Variants in PHF24 observed in about 807,000 individuals in gnomAD.
PHF24 encodes Galpha inhibitory interacting protein.
A neutral mutation model predicts 42.6 loss-of-function variants in PHF24; 25 were observed. That is an observed-to-expected ratio of 0.59 (90% CI 0.43 to 0.82). The LOEUF is 0.82. PHF24 is among the 40% of genes least tolerant of loss of function. PHF24 has a pLI of 0.00. For synonymous variants in PHF24, 185 were observed against 204.8 expected, an observed-to-expected ratio of 0.90 and a Z score of 0.83; for missense variants, 470 against 538.1, an observed-to-expected ratio of 0.87 and a Z score of 1.25.
chr9:34,863,484 G>C, the PHF24 span, among the ~76,000 whole-genome samples: 2 of 152,106 alleles, frequency 1.3e-5, no homozygotes, highest in African/African-American at 4.8e-5. Context: ...TAAGGGAAGA[G>C]AACAAGAGTC....
chr9:34,962,463 C>T (rs920214402), intron 1 of PHF24, among the ~76,000 whole-genome samples: 8 of 151,822 alleles, frequency 5.3e-5, no homozygotes, highest in African/African-American at 1.5e-4. Flanking sequence ...CCCCTGCACA[C>T]GCACATACTC....
At chr9:34,774,708 G>A in the PHF24 span, among the ~76,000 whole-genome samples, 1 of 152,270 alleles carries the variant, frequency 6.6e-6, no homozygotes, top group African/African-American at 2.4e-5. Context: ...GGGAAGCAGA[G>A]GTTGGAGTGA....
chr9:34,927,151 C>T, the PHF24 span, among the ~76,000 whole-genome samples: 1 of 152,080 alleles, frequency 6.6e-6, no homozygotes, highest in Non-Finnish European at 1.5e-5. Flanking sequence ...GGCAGGTTGG[C>T]CCTGGGCAGG....
the PHF24 span, among the ~76,000 whole-genome samples, chr9:34,747,624 T>C: frequency 2.6e-5 from 4 of 152,128 alleles, no homozygotes; most frequent in Non-Finnish European, 5.9e-5. Context: ...CCAGAGAATA[T>C]GAAATTTAAA....
chr9:34,816,560 T>C, the PHF24 span, among the ~76,000 whole-genome samples: 4 of 152,290 alleles, frequency 2.6e-5, no homozygotes, highest in South Asian at 8.3e-4. Flanking sequence ...GCCTGCTTTT[T>C]GGTTTATAGA....
chr9:34,818,779 G>A, the PHF24 span, among the ~76,000 whole-genome samples: 15 of 152,114 alleles, frequency 9.9e-5, no homozygotes, highest in African/African-American at 3.1e-4. Flanking sequence ...GTGAGACCCC[G>A]TCTATATAAT....
the PHF24 span, among the ~76,000 whole-genome samples, chr9:34,710,551 T>C: frequency 6.8e-6 from 1 of 147,418 alleles, no homozygotes; most frequent in Non-Finnish European, 1.5e-5. Flanking sequence ...CACTGAAATC[T>C]CCGCCTCCTG....
At chr9:34,717,612 G>A in the PHF24 span, among the ~76,000 whole-genome samples, 3 of 152,274 alleles carry the variant, frequency 2.0e-5, no homozygotes, top group East Asian at 5.8e-4. Flanking sequence ...GGGTATGCAC[G>A]TGAAACCAAA....
chr9:34,873,971 G>A, the PHF24 span, among the ~76,000 whole-genome samples: 1 of 152,110 alleles, frequency 6.6e-6, no homozygotes, highest in Admixed American at 6.6e-5. Context: ...ATTGTGAATG[G>A]AAGTTCACTC....
chr9:34,695,492 C>T, the PHF24 span, among the ~76,000 whole-genome samples: 10 of 152,200 alleles, frequency 6.6e-5, no homozygotes, highest in Non-Finnish European at 7.3e-5. Context: ...ATTAATTGAA[C>T]CCCAGGTGGG....
the PHF24 span, among the ~76,000 whole-genome samples, chr9:34,943,003 A>T: frequency 2.0e-5 from 3 of 148,084 alleles, no homozygotes; most frequent in African/African-American, 7.9e-5. Context: ...GTATAATAAT[A>T]AAAAAAGAAA....
At chr9:34,978,048 T>C in exon 8 of PHF24, 1 of 1,614,232 alleles carries the variant, frequency 6.2e-7, no homozygotes, top group Non-Finnish European at 8.5e-7. Flanking sequence ...TGCAAGAGAA[T>C]GTCCTCTACA....
At chr9:34,819,712 G>T in the PHF24 span, among the ~76,000 whole-genome samples, 2 of 152,014 alleles carry the variant, frequency 1.3e-5, no homozygotes, top group Non-Finnish European at 2.9e-5. Context: ...TTATTTTATG[G>T]CCCAGAATGT....
chr9:34,699,094 T>A, the PHF24 span, among the ~76,000 whole-genome samples: 1 of 152,252 alleles, frequency 6.6e-6, no homozygotes, highest in Non-Finnish European at 1.5e-5. Context: ...TATAGTTGGA[T>A]GTGCACAGCA....
the PHF24 span, among the ~76,000 whole-genome samples, chr9:34,713,845 A>G: frequency 3.3e-5 from 5 of 152,070 alleles, no homozygotes; most frequent in African/African-American, 4.8e-5. Context: ...AGCTCCTTAC[A>G]TCTTGTTTTT....
At chr9:34,729,232 T>C in the PHF24 span, 2 of 1,523,614 alleles carry the variant, frequency 1.3e-6, no homozygotes, top group South Asian at 2.5e-5. Context: ...GGTAAGAACT[T>C]ATAGGCTTCT....
At chr9:34,801,690 G>A in the PHF24 span, among the ~76,000 whole-genome samples, 1 of 152,076 alleles carries the variant, frequency 6.6e-6, no homozygotes, top group South Asian at 2.1e-4. Flanking sequence ...TCGCGCCACT[G>A]CACTCCAGCC....
At chr9:34,704,044 T>C in the PHF24 span, among the ~76,000 whole-genome samples, 319 of 151,396 alleles carry the variant, frequency 2.1e-3, no homozygotes, top group African/African-American at 7.4e-3. Flanking sequence ...TAATTTTTTG[T>C]TTTTTAAAGG....
At chr9:34,760,991 C>CAA in the PHF24 span, among the ~76,000 whole-genome samples, 395 of 139,038 alleles carry the variant, frequency 2.8e-3, 3 homozygotes, top group Non-Finnish European at 3.8e-3. Context: ...AACTCCGTGT[C>CAA]AAAAAAAAAA....
Sources: gnomAD v4.1 joint callset for allele counts (sites outside exome capture counted in the v4.1 genomes callset) on GRCh38, gnomAD v4.1.1 for gene constraint, MANE v1.5 for transcripts, NCBI Gene and HGNC (gene_info 2026-07-23, HGNC 2026-07-21) for gene names.